Variants in EPHA6 observed in about 807,000 individuals in gnomAD.
EPHA6 encodes the protein EPH receptor A6, also known as ephrin type-A receptor 6.
Under a neutral mutation model 112.0 loss-of-function variants are expected in EPHA6, and 50 were observed. That is an observed-to-expected ratio of 0.45 (90% CI 0.36 to 0.56). The LOEUF is 0.56. EPHA6 is among the 20% of genes least tolerant of loss of function. EPHA6 has a pLI of 0.00. For synonymous variants in EPHA6, 529 were observed against 490.7 expected (o/e 1.08, Z -1.03); for missense variants, 1,280 against 1,417.4 (o/e 0.90, Z 1.56).
At chr3:97,409,770 T>C (rs1248605169) in intron 6 of EPHA6, among the ~76,000 whole-genome samples, 1 of 152,098 alleles carries the variant, frequency 6.6e-6, no homozygotes, top group Non-Finnish European at 1.5e-5. Flanking sequence ...CTGTGACTGT[T>C]AAAGTCTTTT....
intron 4 of EPHA6, among the ~76,000 whole-genome samples, chr3:97,238,986 C>G (rs2108571213): frequency 6.6e-6 from 1 of 151,968 alleles, no homozygotes; most frequent in African/African-American, 2.4e-5. Context: ...AAAATAACTT[C>G]TAAAAGTTAA....
chr3:97,665,263 C>T (rs2029907807), intron 14 of EPHA6, among the ~76,000 whole-genome samples: 1 of 152,102 alleles, frequency 6.6e-6, no homozygotes, highest in South Asian at 2.1e-4. Context: ...ACTGGCTAGC[C>T]ATACGTAGAA....
chr3:97,009,454 C>T (rs1322271289), intron 3 of EPHA6, among the ~76,000 whole-genome samples: 2 of 152,220 alleles, frequency 1.3e-5, no homozygotes, highest in African/African-American at 4.8e-5. Flanking sequence ...CATCCAGCCT[C>T]CCTGGCTCTG....
intron 3 of EPHA6, among the ~76,000 whole-genome samples, chr3:97,205,424 T>C (rs1472435478): frequency 6.6e-6 from 1 of 152,040 alleles, no homozygotes; most frequent in East Asian, 1.9e-4. Context: ...TTCGATTTTT[T>C]GGGAAATGGC....
chr3:96,943,788 G>T (rs1022833595), intron 2 of EPHA6, among the ~76,000 whole-genome samples: 1 of 152,156 alleles, frequency 6.6e-6, no homozygotes. Flanking sequence ...AGCCTGGGAG[G>T]TTGAGGATGC....
chr3:97,564,164 G>A (rs901279618), intron 11 of EPHA6, among the ~76,000 whole-genome samples: 1 of 152,044 alleles, frequency 6.6e-6, no homozygotes, highest in Non-Finnish European at 1.5e-5. Flanking sequence ...ACTTAATAGG[G>A]AGTCATTTGA....
intron 3 of EPHA6, among the ~76,000 whole-genome samples, chr3:97,053,217 G>A (rs1654883326): frequency 6.6e-6 from 1 of 152,018 alleles, no homozygotes; most frequent in East Asian, 1.9e-4. Flanking sequence ...CGGAATAAAC[G>A]ACTAGGAGTA....
rs201760333 is a variant in EPHA6, at chr3:97,427,268, C to CA, written c.1732-21299dup. Among the ~76,000 whole-genome samples the CA allele has an allele frequency of 2.2e-3, 336 of 152,256 alleles. 2 individuals carry two copies. Among genetic ancestry groups the CA allele is most frequent in the Admixed American group, 0.014 (210 of 15,294 alleles). On this transcript the variant is annotated intron_variant, in intron 6 of 17. Transcript: ENST00000389672. ...ATGTTCACTGCAGAACCATTCACAA[C>CA]AGCAAAGTCATAGAATCAATCTAAA...
Position 97,493,084 on chromosome 3 carries a change from G to T in EPHA6, c.2200+9025G>T, listed in dbSNP as rs1224978590. On this transcript the variant is annotated intron_variant, in intron 10 of 17. Coordinates refer to ENST00000389672, the MANE Select transcript of EPHA6 (RefSeq NM_001080448.3). Reference sequence around the variant, plus strand: ...ACTTTTTAATGACAAAGTTTAAAGTGATTAAAGAAAAGAGGAAAGATGTTT... The same window carrying T: ...ACTTTTTAATGACAAAGTTTAAAGTTATTAAAGAAAAGAGGAAAGATGTTT... Among the ~76,000 whole-genome samples the T allele has an allele frequency of 4.0e-5, 6 of 151,140 alleles. 1 individual carries two copies.
At chr3:96,901,043 C>T (rs1205507172) in intron 2 of EPHA6, among the ~76,000 whole-genome samples, 3 of 152,128 alleles carry the variant, frequency 2.0e-5, no homozygotes, top group African/African-American at 7.2e-5. Context: ...TTGGTTCTAT[C>T]TACACATTTT....
At chr3:97,085,526 A>G (rs2046866394) in intron 3 of EPHA6, among the ~76,000 whole-genome samples, 1 of 152,178 alleles carries the variant, frequency 6.6e-6, no homozygotes, top group Non-Finnish European at 1.5e-5. Context: ...CTGTTCTGTC[A>G]TATGTCATAT....
intron 3 of EPHA6, among the ~76,000 whole-genome samples, chr3:97,107,227 T>C (rs1406729667): frequency 4.6e-5 from 7 of 152,126 alleles, no homozygotes. Context: ...TTGAGCAGTA[T>C]TTTATACTGG....
At chr3:97,638,921 C>T (rs1339266279) in intron 14 of EPHA6, among the ~76,000 whole-genome samples, 1 of 152,090 alleles carries the variant, frequency 6.6e-6, no homozygotes, top group African/African-American at 2.4e-5. Context: ...TCTCACTTTA[C>T]ACATTATTTT....
intron 10 of EPHA6, among the ~76,000 whole-genome samples, chr3:97,517,940 G>A (rs2107610277): frequency 6.6e-6 from 1 of 152,214 alleles, no homozygotes; most frequent in Non-Finnish European, 1.5e-5. Context: ...TTCTTAAGGA[G>A]AATAGTACTC....
chr3:97,732,025 T>C (rs879319625), intron 15 of EPHA6, among the ~76,000 whole-genome samples: 1 of 152,016 alleles, frequency 6.6e-6, no homozygotes, highest in African/African-American at 2.4e-5. Context: ...GACTCCCCAG[T>C]GCACTCTCCG....
chr3:97,683,804 C>A (rs2032044210), intron 14 of EPHA6, among the ~76,000 whole-genome samples: 1 of 152,078 alleles, frequency 6.6e-6, no homozygotes, highest in Admixed American at 6.6e-5. Flanking sequence ...CGTTGCATTT[C>A]TAGTCATCTC....
intron 3 of EPHA6, among the ~76,000 whole-genome samples, chr3:97,014,616 G>A (rs1293888054): frequency 6.6e-6 from 1 of 152,118 alleles, no homozygotes; most frequent in Non-Finnish European, 1.5e-5. Context: ...ACATAAATTA[G>A]CAATGCTTGC....
At chr3:97,379,163 C>G (rs982174270) in intron 5 of EPHA6, among the ~76,000 whole-genome samples, 1 of 152,104 alleles carries the variant, frequency 6.6e-6, no homozygotes, top group Non-Finnish European at 1.5e-5. Context: ...AAGTCTCACA[C>G]TATCTGATGG....
chr3:97,485,861 C>T (rs1489566409), intron 10 of EPHA6, among the ~76,000 whole-genome samples: 1 of 152,166 alleles, frequency 6.6e-6, no homozygotes, highest in Non-Finnish European at 1.5e-5. Flanking sequence ...TTTATACTGC[C>T]TTGTCCAATA....
Sources: gnomAD v4.1 joint callset for allele counts (sites outside exome capture counted in the v4.1 genomes callset) on GRCh38, gnomAD v4.1.1 for gene constraint, MANE v1.5 for transcripts, NCBI Gene and HGNC (gene_info 2026-07-23, HGNC 2026-07-21) for gene names.